The following DNAAF4 variants were observed in gnomAD, a reference collection of about 807,000 sequenced individuals.
The protein encoded by DNAAF4 is dynein axonemal assembly factor 4.
DNAAF4 carries 43 observed loss-of-function variants against 51.8 expected under a neutral mutation model. That is an observed-to-expected ratio of 0.83 (90% CI 0.65 to 1.07). DNAAF4 has a LOEUF of 1.07. DNAAF4 is among the 50% of genes least tolerant of loss of function. The probability of loss-of-function intolerance (pLI) is 0.00; values close to 1 mark genes in which losing one functional copy is unlikely to be tolerated. For synonymous variants in DNAAF4, 194 were observed against 165.6 expected, an observed-to-expected ratio of 1.17 and a Z score of -1.32; for missense variants, 581 against 493.0, an observed-to-expected ratio of 1.18 and a Z score of -1.69.
chr15:55,433,571 A>G (rs2057532183), intron 8 of DNAAF4, among the ~76,000 whole-genome samples: 1 of 143,268 alleles, frequency 7.0e-6, no homozygotes, highest in Non-Finnish European at 1.5e-5. Flanking sequence ...GCTTGCAGTG[A>G]GCCGAAATTG....
At chr15:55,418,000 G>A (rs2057351882) in exon 8 of DNAAF4, 1 of 827,818 alleles carries the variant, frequency 1.2e-6, no homozygotes, top group Non-Finnish European at 1.9e-6. Context: ...GCAGGAACCG[G>A]CCATTTTCAC....
chr15:55,497,935 G>C (rs2058662609), intron 2 of DNAAF4, 76 bp from the exon 3 acceptor site: 1 of 1,530,140 alleles, frequency 6.5e-7, no homozygotes. Flanking sequence ...ACGTGAAAAA[G>C]GTAAAATAAC....
rs117395204 is a variant in DNAAF4, at chr15:55,465,720, C to A, written c.637+1210G>T. On this transcript the variant is annotated intron_variant, in intron 5 of 9. Coordinates refer to ENST00000321149, the MANE Select transcript of DNAAF4 (RefSeq NM_130810.4). ...TAGCTGGGATTACAGATATGTGCCA[C>A]CACACCTGGTTAATTTTGTAATTTT... Among the ~76,000 whole-genome samples, 667 of 152,100 alleles carry A rather than the reference C, an allele frequency of 4.4e-3. 4 individuals carry two copies. The highest frequency in any genetic ancestry group is 8.2e-3 in the Non-Finnish European group (556 of 68,012).
intron 1 of DNAAF4, among the ~76,000 whole-genome samples, chr15:55,507,301 T>G (rs1350349409): frequency 6.6e-6 from 1 of 152,158 alleles, no homozygotes. Flanking sequence ...CAAAAATACA[T>G]GTAAAACACC....
At chr15:55,469,317 C>T (rs954223247) in intron 4 of DNAAF4, among the ~76,000 whole-genome samples, 4 of 149,344 alleles carry the variant, frequency 2.7e-5, no homozygotes, top group South Asian at 4.3e-4. Context: ...GGGACAAGAG[C>T]GAGGCTCCTC....
rs539467109 is a variant in DNAAF4, at chr15:55,498,246, G to A, written c.84C>T (p.Val28=). ...FLSLPLKGVC[V]RDTDVFCTEN... is the part of the protein sequence containing the mutation. ...CCGTGCAGAACACGTCCGTGTCTCT[G>A]ACGCACACGCCTTTGAGGGGCAGAG... Residue 28 remains valine (V), a synonymous_variant, in exon 2 of 10, where the codon GTC becomes GTT. Transcript: ENST00000321149. 2.5e-6 allele frequency: 4 copies of A among 1,613,944 alleles called. No homozygotes were observed. The highest frequency in any genetic ancestry group is 3.3e-5 in the Admixed American group (2 of 60,008).
chr15:55,448,768 G>A (rs1341245378), intron 6 of DNAAF4, among the ~76,000 whole-genome samples: 5 of 151,132 alleles, frequency 3.3e-5, no homozygotes, highest in Non-Finnish European at 1.5e-5. Flanking sequence ...TACTCGGGAG[G>A]CTGAGGCAAG....
At position 55,498,454 on chromosome 15, in the gene DNAAF4, A is replaced by T. The variant is rs1304052370; in HGVS notation, c.-125T>A. The T allele has an allele frequency of 3.5e-6, 5 of 1,431,488 alleles. No individual in the cohort carries two copies. Among genetic ancestry groups the T allele is most frequent in the Non-Finnish European group, 4.6e-6 (5 of 1,084,370 alleles). The allele number at this position is 1,431,488 out of a possible 1,614,324, so 88.7% of individuals were successfully genotyped here. ...GGCCGGCCGGGAGCCCGGCGTTCCC[A>T]GCGTGCTCCGGCGCCAGCACCTCGC... On this transcript the variant is annotated 5_prime_UTR_variant, in exon 2 of 10. Transcript: ENST00000321149.
In DNAAF4 at chr15:55,439,484, T is replaced by C; in HGVS notation, c.881A>G (p.Lys294Arg). ...TCAAACAACTTACTTTCCTTTATCCTTCAACCATTCTGGGTTCTTTTCTTC... is the reference window on the plus strand; with the variant it reads ...TCAAACAACTTACTTTCCTTTATCCCTCAACCATTCTGGGTTCTTTTCTTC... ...KEEEKNPEWL[K>R]DKGNKLFATE... The change falls in exon 7 of 10, where the codon AAG (lysine) becomes AGG (arginine). Residue 294 changes from lysine to arginine, a missense_variant. Transcript: ENST00000321149. The C allele has an allele frequency of 6.2e-7, 1 of 1,613,688 alleles. No individual in the cohort carries two copies. The highest frequency in any genetic ancestry group is 1.6e-4 in the Middle Eastern group (1 of 6,062).
intron 3 of DNAAF4, among the ~76,000 whole-genome samples, chr15:55,497,418 T>C (rs1409179792): frequency 6.6e-6 from 1 of 151,876 alleles, no homozygotes; most frequent in African/African-American, 2.4e-5. Flanking sequence ...CTGGCCAACA[T>C]GGCAAAACGC....
intron 4 of DNAAF4, among the ~76,000 whole-genome samples, chr15:55,487,371 CACCAATCAGCACTCTGTAAAATGG>C (rs1373224130): frequency 7.0e-4 from 107 of 152,112 alleles, no homozygotes; most frequent in South Asian, 8.3e-4. Flanking sequence ...ATTGTAAACG[CACCAATCAGCACTCTGTAAAATGG>C]ACCAATCAGC....
chr15:55,453,808 C>A (rs376879167), intron 5 of DNAAF4, among the ~76,000 whole-genome samples: 3 of 151,732 alleles, frequency 2.0e-5, no homozygotes, highest in Admixed American at 6.6e-5. Context: ...CCTCGGCCCC[C>A]CAAAGTGCTG....
At chr15:55,443,760 C>G (rs1247833849) in intron 6 of DNAAF4, among the ~76,000 whole-genome samples, 3 of 152,186 alleles carry the variant, frequency 2.0e-5, no homozygotes, top group Non-Finnish European at 4.4e-5. Flanking sequence ...GAGATGGTAT[C>G]TCATTGTGGT....
At chr15:55,491,745 T>A (rs1206415540) in intron 3 of DNAAF4, among the ~76,000 whole-genome samples, 1 of 141,576 alleles carries the variant, frequency 7.1e-6, no homozygotes, top group African/African-American at 2.6e-5. Flanking sequence ...ATATATAATA[T>A]TATATTATAA....
chr15:55,421,910 T>C (rs902816628), intron 7 of DNAAF4, among the ~76,000 whole-genome samples: 4 of 135,996 alleles, frequency 2.9e-5, no homozygotes, highest in African/African-American at 1.1e-4. Flanking sequence ...ATAATAATAA[T>C]AATAATAATA....
At position 55,430,733 on chromosome 15, in the gene DNAAF4, T is replaced by A. The variant is rs143213850; in HGVS notation, c.1200A>T (p.Lys400Asn). The change falls in exon 10 of 10, where the codon AAA becomes AAT. Residue 400 changes from lysine (K) to asparagine (N), a missense_variant. Coordinates refer to ENST00000321149, the MANE Select transcript of DNAAF4 (RefSeq NM_130810.4). The part of the protein sequence containing the change: ...EAALKIDPSN[K>N]IVQIDAEKIR... ...TCTTCTCAGCATCAATTTGTACAATTTTGTTGGATGGATCAATCTTAAGTG... is the reference window on the plus strand; with the variant it reads ...TCTTCTCAGCATCAATTTGTACAATATTGTTGGATGGATCAATCTTAAGTG... The A allele has an allele frequency of 3.3e-5, 54 of 1,613,506 alleles. No individual in the cohort carries two copies. In the African/African-American group the frequency reaches 6.3e-4, roughly 19 times the overall value.
intron 7 of DNAAF4, among the ~76,000 whole-genome samples, chr15:55,436,286 T>C (rs1272343891): frequency 6.6e-6 from 1 of 152,200 alleles, no homozygotes; most frequent in Non-Finnish European, 1.5e-5. Flanking sequence ...ATTTCCCAAA[T>C]GGTTAGTGAT....
chr15:55,499,268 T>C (rs1217593455), intron 1 of DNAAF4, among the ~76,000 whole-genome samples: 2 of 152,184 alleles, frequency 1.3e-5, no homozygotes, highest in Non-Finnish European at 2.9e-5. Flanking sequence ...CTCTGCGTTC[T>C]CCCCAAACCC....
chr15:55,446,279 G>A (rs1390247453), intron 6 of DNAAF4, among the ~76,000 whole-genome samples: 18 of 99,428 alleles, frequency 1.8e-4, no homozygotes, highest in African/African-American at 4.4e-4. Flanking sequence ...GGGCAGAGGC[G>A]CTCCTCACAT....
Sources: allele counts gnomAD v4.1 joint callset (sites outside exome capture counted in the v4.1 genomes callset), GRCh38; gene constraint gnomAD v4.1.1; transcripts MANE v1.5; gene names NCBI Gene and HGNC (gene_info 2026-07-23, HGNC 2026-07-21).